Variants in SYCP1 observed in about 807,000 individuals in gnomAD.
SYCP1 encodes the protein cancer/testis antigen 8.
A neutral mutation model predicts 153.1 loss-of-function variants in SYCP1; 64 were observed. The ratio of observed to expected loss-of-function variants is 0.42; its 90% CI spans 0.34 to 0.51. The LOEUF (loss-of-function observed/expected upper bound fraction) is 0.51. Ranked by LOEUF, SYCP1 falls within the 20% of genes least tolerant of loss-of-function variation. The pLI is 0.06. For missense variants in SYCP1, 997 were observed against 1,049.0 expected, an observed-to-expected ratio of 0.95 and a Z score of 0.68; for synonymous variants, 384 against 341.8, an observed-to-expected ratio of 1.12 and a Z score of -1.36.
At chr1:114,957,934 T>C (rs1671540597) in intron 27 of SYCP1, among the ~76,000 whole-genome samples, 1 of 152,126 alleles carries the variant, frequency 6.6e-6, no homozygotes, top group African/African-American at 2.4e-5. Flanking sequence ...CATTACTGAG[T>C]ATATATCCAA....
intron 24 of SYCP1, 51 bp from the exon 25 acceptor site, chr1:114,944,821 G>A: frequency 7.7e-7 from 1 of 1,293,600 alleles, no homozygotes; most frequent in Non-Finnish European, 1.1e-6. Flanking sequence ...ACACTTGTTT[G>A]TTTTTTGTGC....
intron 16 of SYCP1, among the ~76,000 whole-genome samples, chr1:114,898,450 T>C (rs1241742027): frequency 6.6e-6 from 1 of 152,168 alleles, no homozygotes; most frequent in Non-Finnish European, 1.5e-5. Context: ...GCAAGATAAT[T>C]GCTCAGAACT....
chr1:114,973,766 A>G (rs1672636963), intron 27 of SYCP1, among the ~76,000 whole-genome samples: 1 of 151,842 alleles, frequency 6.6e-6, no homozygotes, highest in East Asian at 1.9e-4. Flanking sequence ...AGCTGGCTTT[A>G]CCATCTTTAC....
intron 27 of SYCP1, among the ~76,000 whole-genome samples, chr1:114,965,357 C>T (rs930795534): frequency 1.3e-5 from 2 of 152,120 alleles, no homozygotes; most frequent in African/African-American, 4.8e-5. Flanking sequence ...ATTTGTTTCT[C>T]TTACCTGATT....
At chr1:114,872,504 G>A (rs1018916484) in intron 8 of SYCP1, among the ~76,000 whole-genome samples, 1 of 152,124 alleles carries the variant, frequency 6.6e-6, no homozygotes, top group East Asian at 1.9e-4. Flanking sequence ...ATGCATAGGT[G>A]TAGTGTCTTT....
In SYCP1 at chr1:114,876,802, G is replaced by A; in HGVS notation, c.793G>A (p.Glu265Lys). Residue 265 changes from glutamate (E) to lysine (K), a missense_variant, in exon 11 of 32, where the codon GAA becomes AAA. By Grantham distance (56) the Glu-to-Lys change is moderately conservative. Coordinates refer to ENST00000369522, the MANE Select transcript of SYCP1 (RefSeq NM_003176.4). ...QEYKKEINDKEKQVSLLLIQI... is the reference protein window; with the variant it reads ...QEYKKEINDKKKQVSLLLIQI... The stretch of plus-strand genomic sequence containing the variant: ...ATACAAGAAGGAAATAAATGACAAG[G>A]AAAAGCAGGTTTTTTAAAAAACCAA... 1 of 1,389,866 alleles carries A rather than the reference G, an allele frequency of 7.2e-7. No individual in the cohort carries two copies. The highest frequency in any genetic ancestry group is 9.4e-7 in the Non-Finnish European group (1 of 1,066,942). The allele number at this position is 1,389,866 out of a possible 1,614,324, so 86.1% of individuals were successfully genotyped here.
rs1310480791 is a variant in SYCP1, at chr1:114,887,613, TA to T, written c.1191-12del. ...AAATAATATTTTGTATTGAAAATGA[TA>T]TATTTTACAAGATTGGAAAAAAATG... On this transcript the variant is annotated splice_polypyrimidine_tract_variant and intron_variant, in intron 14 of 31. Transcript: ENST00000369522. 6.7e-7 allele frequency: 1 copy of T among 1,496,890 alleles called. No homozygotes were observed. The highest frequency in any genetic ancestry group is 1.4e-5 in the African/African-American group (1 of 71,116). 92.7% of individuals were successfully genotyped at this position (1,496,890 alleles called of 1,614,324 possible).
At chr1:114,909,495 T>TACACACACACACACACAC (rs57520899) in intron 16 of SYCP1, among the ~76,000 whole-genome samples, 1 of 106,462 alleles carries the variant, frequency 9.4e-6, no homozygotes, top group Non-Finnish European at 1.9e-5. Flanking sequence ...TCCCTTGCTG[T>TACACACACACACACACAC]ACACACACAC....
chr1:114,857,166 A>AAAAAAAAAAAAACACAAAAAAC, intron 3 of SYCP1, 66 bp from the exon 4 acceptor site: 1 of 1,131,524 alleles, frequency 8.8e-7, no homozygotes, highest in Admixed American at 2.6e-5. Flanking sequence ...AAGAGAAAAA[A>AAAAAAAAAAAAACACAAAAAAC]GAAAAAAAAA....
chr1:114,871,744 A>G (rs1194452538), intron 8 of SYCP1, among the ~76,000 whole-genome samples: 1 of 151,438 alleles, frequency 6.6e-6, no homozygotes, highest in Non-Finnish European at 1.5e-5. Context: ...ATGTTTAGTA[A>G]TATGCTAATT....
intron 27 of SYCP1, among the ~76,000 whole-genome samples, chr1:114,968,050 G>C (rs1672248262): frequency 6.6e-6 from 1 of 152,224 alleles, no homozygotes; most frequent in Non-Finnish European, 1.5e-5. Context: ...GAGAGCCACT[G>C]TTAATCTGAT....
chr1:114,860,802 A>T lies in SYCP1; in HGVS notation c.591A>T (p.Thr197=), dbSNP rs574057871. The T allele has an allele frequency of 6.3e-7, 1 of 1,582,802 alleles. No homozygotes were observed. The highest frequency in any genetic ancestry group is 8.6e-7 in the Non-Finnish European group (1 of 1,165,394). ...CCTGTGCTAGATCTGCAGAAAAGAC[A>T]AAGAAATGTAAATATCTTTCTTGTT... ...KETCARSAEK[T]KKYEYEREET... Residue 197 remains threonine (T), a synonymous_variant, in exon 8 of 32, where the codon ACA becomes ACT. Coordinates refer to ENST00000369522, the MANE Select transcript of SYCP1 (RefSeq NM_003176.4).
intron 27 of SYCP1, among the ~76,000 whole-genome samples, chr1:114,973,034 G>T (rs1672590405): frequency 6.6e-6 from 1 of 152,064 alleles, no homozygotes; most frequent in South Asian, 2.1e-4. Context: ...TATCTGATAG[G>T]ATAAGCCGTG....
chr1:114,964,073 G>A (rs1265419535), intron 27 of SYCP1, among the ~76,000 whole-genome samples: 1 of 152,126 alleles, frequency 6.6e-6, no homozygotes, highest in Non-Finnish European at 1.5e-5. Context: ...ATTCTAACTC[G>A]TGTGAGATGA....
At chr1:114,908,732 C>A (rs1290616751) in intron 16 of SYCP1, among the ~76,000 whole-genome samples, 1 of 151,952 alleles carries the variant, frequency 6.6e-6, no homozygotes, top group Non-Finnish European at 1.5e-5. Flanking sequence ...TCTTTTTATT[C>A]ATTTTAAGAG....
intron 8 of SYCP1, among the ~76,000 whole-genome samples, chr1:114,866,334 C>T (rs981569849): frequency 3.3e-5 from 5 of 152,250 alleles, no homozygotes; most frequent in African/African-American, 1.2e-4. Flanking sequence ...TATACTCTCA[C>T]CAGCATTTGG....
intron 16 of SYCP1, among the ~76,000 whole-genome samples, chr1:114,898,999 C>T (rs562082271): frequency 3.4e-4 from 52 of 152,280 alleles, no homozygotes; most frequent in South Asian, 8.3e-4. Context: ...GTGCAGACAA[C>T]GGTGTGAGGC....
At chr1:114,958,259 T>C (rs1324604546) in intron 27 of SYCP1, among the ~76,000 whole-genome samples, 1 of 152,016 alleles carries the variant, frequency 6.6e-6, no homozygotes, top group African/African-American at 2.4e-5. Flanking sequence ...AGGTAGTAAA[T>C]ACAGCGGTGG....
At chr1:114,990,554 T>C (rs1207783193) in intron 30 of SYCP1, among the ~76,000 whole-genome samples, 5 of 151,830 alleles carry the variant, frequency 3.3e-5, no homozygotes, top group Admixed American at 1.3e-4. Context: ...GTTGGTTCTT[T>C]GAAAAGATCA....
Sources: gnomAD v4.1 joint callset for allele counts (sites outside exome capture counted in the v4.1 genomes callset) on GRCh38, gnomAD v4.1.1 for gene constraint, MANE v1.5 for transcripts, NCBI Gene and HGNC (gene_info 2026-07-23, HGNC 2026-07-21) for gene names.